SIPA1L2: variants seen among roughly 807,000 people sequenced by gnomAD.
SIPA1L2 encodes signal-induced proliferation-associated 1-like protein 2.
A neutral mutation model predicts 163.9 loss-of-function variants in SIPA1L2; 56 were observed. That is an observed-to-expected ratio of 0.34 (90% CI 0.28 to 0.43). The LOEUF is 0.43. Among genes scored for constraint, SIPA1L2 ranks in the 20% least tolerant of loss-of-function variants. The pLI, the probability that SIPA1L2 is intolerant of heterozygous loss-of-function variation, is 1.00. For missense variants in SIPA1L2, 1,974 were observed against 2,193.5 expected, an observed-to-expected ratio of 0.90 and a Z score of 2.00; for synonymous variants, 877 against 865.7, an observed-to-expected ratio of 1.01 and a Z score of -0.23.
At chr1:232,630,315 C>T (rs983719465), upstream of SIPA1L2, among the ~76,000 whole-genome samples, 38 of 152,060 alleles carry the variant, frequency 2.5e-4, no homozygotes, top group African/African-American at 8.4e-4. Flanking sequence ...GTTCCCAGGC[C>T]CCGCGGCGCG....
intron 5 of SIPA1L2, among the ~76,000 whole-genome samples, chr1:232,487,516 C>A (rs933953033): frequency 2.0e-5 from 3 of 152,118 alleles, no homozygotes; most frequent in African/African-American, 7.2e-5. Context: ...TTAAGGATTT[C>A]ATAATATTCT....
chr1:232,547,306 A>G (rs1351220115), intron 2 of SIPA1L2, among the ~76,000 whole-genome samples: 2 of 152,080 alleles, frequency 1.3e-5, no homozygotes. Flanking sequence ...ACTGGTATAT[A>G]CGGGTCTTTC....
intron 2 of SIPA1L2, among the ~76,000 whole-genome samples, chr1:232,560,387 G>A (rs975016898): frequency 6.6e-6 from 1 of 152,200 alleles, no homozygotes; most frequent in Non-Finnish European, 1.5e-5. Flanking sequence ...TTGCTCATAC[G>A]CTGCACTGGT....
At chr1:232,622,356 C>G (rs1418897245) in intron 1 of SIPA1L2, among the ~76,000 whole-genome samples, 2 of 152,200 alleles carry the variant, frequency 1.3e-5, no homozygotes, top group African/African-American at 4.8e-5. Context: ...AAAAGATGCA[C>G]TATACAATAC....
intron 21 of SIPA1L2, 145 bp downstream of exon 21, chr1:232,403,303 C>CA (rs1660453776): frequency 9.3e-7 from 1 of 1,078,676 alleles, no homozygotes; most frequent in East Asian, 2.5e-5. Context: ...TAGTCCCACT[C>CA]AGTCCCTTCT....
chr1:232,546,278 C>G (rs879764982), intron 2 of SIPA1L2, among the ~76,000 whole-genome samples: 1 of 152,174 alleles, frequency 6.6e-6, no homozygotes, highest in Non-Finnish European at 1.5e-5. Flanking sequence ...GATTTTTCTA[C>G]TAGCCTCCAT....
At chr1:232,483,195 G>C (rs919342015) in intron 6 of SIPA1L2, among the ~76,000 whole-genome samples, 1 of 151,794 alleles carries the variant, frequency 6.6e-6, no homozygotes, top group Non-Finnish European at 1.5e-5. Context: ...ACAGCTAGTA[G>C]GTGTCCCACT....
chr1:232,551,496 T>C (rs929724224), intron 2 of SIPA1L2, among the ~76,000 whole-genome samples: 4 of 152,048 alleles, frequency 2.6e-5, no homozygotes, highest in African/African-American at 7.2e-5. Context: ...ATTTGAAAAA[T>C]TTTTAAAAAA....
At chr1:232,458,154 G>A (rs144166447) in intron 10 of SIPA1L2, among the ~76,000 whole-genome samples, 313 of 148,732 alleles carry the variant, frequency 2.1e-3, no homozygotes, top group Non-Finnish European at 2.9e-3. Context: ...AGTTATTACA[G>A]ATTAATTGGG....
upstream of SIPA1L2, among the ~76,000 whole-genome samples, chr1:232,630,227 C>T (rs1663320841): frequency 6.6e-6 from 1 of 151,744 alleles, no homozygotes; most frequent in East Asian, 1.9e-4. Flanking sequence ...CTGCAGGCCC[C>T]CTCGGCCCCG....
chr1:232,414,829 G>A (rs1435788753), intron 19 of SIPA1L2, among the ~76,000 whole-genome samples: 1 of 152,206 alleles, frequency 6.6e-6, no homozygotes, highest in Non-Finnish European at 1.5e-5. Flanking sequence ...GGCTGCACGT[G>A]AAGCAAGCAT....
chr1:232,465,538 A>C lies in SIPA1L2; in HGVS notation c.2244-122T>G. ...TACATACACACACACACACACATAT[A>C]CATACACACATACACACACACTTTC... On this transcript the variant is annotated intron_variant, in intron 8 of 22. Transcript: ENST00000674635. This position sits in a 1 kb window ranked among gnomAD's most constrained non-coding sequence, Gnocchi z 4.1. The C allele has an allele frequency of 1.3e-6, 1 of 752,616 alleles. No individual in the cohort carries two copies. Among genetic ancestry groups the C allele is most frequent in the Non-Finnish European group, 2.1e-6 (1 of 473,300 alleles). The allele number at this position is 752,616 out of a possible 1,614,324, so 46.6% of individuals were successfully genotyped here. A position where few individuals can be genotyped will look rare whatever the true frequency, so the allele number is the denominator to read the frequency against.
At position 232,483,841 on chromosome 1, in the gene SIPA1L2, T is replaced by C. The variant is rs532351995; in HGVS notation, c.1932A>G (p.Arg644=). The C allele has an allele frequency of 6.2e-7, 1 of 1,614,086 alleles. No individual in the cohort carries two copies. The highest frequency in any genetic ancestry group is 1.1e-5 in the South Asian group (1 of 91,082). The change falls in exon 6 of 23, where the codon AGA becomes AGG. Residue 644 remains arginine (R), a synonymous_variant. Transcript: ENST00000674635. ...ATTTACTAAATCCTTTCAGTCGGAC[T>C]CTCTGGCCCAGAAGATCAAGGAATT... ...FEEFLDLLGQ[R]VRLKGFSKYR... is the part of the protein sequence containing the mutation.
Position 232,514,068 on chromosome 1 carries a change from A to G in SIPA1L2, c.1272T>C (p.Ile424=). The stretch of plus-strand genomic sequence containing the variant: ...AGGATGAGTTGGCTCGAGAGAGCGC[A>G]ATCCGCCTGTCGCCTTCCCCTCCAG... ...NETGGEGDRR[I]ALSRANSSSF... The change falls in exon 3 of 23, where the codon ATT becomes ATC. Residue 424 remains isoleucine (I), a synonymous_variant. Coordinates refer to ENST00000674635, the MANE Select transcript of SIPA1L2 (RefSeq NM_020808.5). The G allele has an allele frequency of 6.2e-7, 1 of 1,614,204 alleles. No individual in the cohort carries two copies. The highest frequency in any genetic ancestry group is 8.5e-7 in the Non-Finnish European group (1 of 1,180,034).
chr1:232,445,498 G>GC (rs35557312), intron 11 of SIPA1L2, 31 bp downstream of exon 11: 1 of 1,612,282 alleles, frequency 6.2e-7, no homozygotes, highest in Non-Finnish European at 8.5e-7. Flanking sequence ...ATTTACAAGG[G>GC]CCCCCCTTGA....
intron 1 of SIPA1L2, among the ~76,000 whole-genome samples, chr1:232,582,567 C>T (rs1481546311): frequency 2.0e-5 from 3 of 152,116 alleles, no homozygotes; most frequent in Non-Finnish European, 4.4e-5. Flanking sequence ...CTGATGGGCA[C>T]CTAGGTTGAT....
At chr1:232,476,589 T>C (rs541203382) in intron 7 of SIPA1L2, among the ~76,000 whole-genome samples, 1 of 152,202 alleles carries the variant, frequency 6.6e-6, no homozygotes, top group Admixed American at 6.5e-5. Flanking sequence ...CTGGAAAAAG[T>C]GGATGGACTG....
At chr1:232,460,070 T>C (rs182823974) in intron 10 of SIPA1L2, among the ~76,000 whole-genome samples, 63 of 152,254 alleles carry the variant, frequency 4.1e-4, no homozygotes, top group Middle Eastern at 3.4e-3. Context: ...ACGAACTCCA[T>C]TTGGGAATGA....
chr1:232,565,456 G>C (rs974708331), intron 2 of SIPA1L2, among the ~76,000 whole-genome samples: 3 of 152,200 alleles, frequency 2.0e-5, no homozygotes, highest in African/African-American at 7.2e-5. Context: ...ACCTGGACAA[G>C]TCCCTTAGGC....
Sources: allele counts gnomAD v4.1 joint callset (sites outside exome capture counted in the v4.1 genomes callset), GRCh38; gene constraint gnomAD v4.1.1; non-coding constraint Gnocchi (gnomAD v3.1); transcripts MANE v1.5; gene names NCBI Gene and HGNC (gene_info 2026-07-23, HGNC 2026-07-21).